ASIC2: variants seen among roughly 807,000 people sequenced by gnomAD.
The protein encoded by ASIC2 is acid sensing ion channel subunit 2.
In ASIC2, 25 loss-of-function variants were observed where a neutral mutation model predicts 57.3. That is an observed-to-expected ratio of 0.44 (90% CI 0.32 to 0.61). The LOEUF (loss-of-function observed/expected upper bound fraction) is 0.61, where lower values mean the gene tolerates loss of function less well. Among genes scored for constraint, ASIC2 ranks in the 20% least tolerant of loss-of-function variants. The probability of loss-of-function intolerance (pLI) is 0.06; values close to 1 mark genes in which losing one functional copy is unlikely to be tolerated. For synonymous variants in ASIC2, 319 were observed against 307.5 expected (o/e 1.04, Z -0.39); for missense variants, 641 against 738.1 (o/e 0.87, Z 1.52).
At chr17:34,042,480 C>A (rs889347155) in intron 1 of ASIC2, among the ~76,000 whole-genome samples, 9 of 151,558 alleles carry the variant, frequency 5.9e-5, no homozygotes, top group Non-Finnish European at 8.8e-5. Flanking sequence ...ATTCCATCCA[C>A]ATAATATTCT....
At chr17:33,348,752 G>C (rs2142246019) in intron 1 of ASIC2, among the ~76,000 whole-genome samples, 1 of 152,180 alleles carries the variant, frequency 6.6e-6, no homozygotes, top group East Asian at 1.9e-4. Flanking sequence ...GGAGAAGATG[G>C]GTTCAAGCTG....
At chr17:34,080,662 G>C (rs998996147) in intron 1 of ASIC2, among the ~76,000 whole-genome samples, 1 of 152,196 alleles carries the variant, frequency 6.6e-6, no homozygotes, top group South Asian at 2.1e-4. Context: ...GAGGCAGAAG[G>C]AGATTATGAG....
At chr17:33,505,753 C>T (rs1914229978) in intron 1 of ASIC2, among the ~76,000 whole-genome samples, 1 of 152,170 alleles carries the variant, frequency 6.6e-6, no homozygotes, top group Non-Finnish European at 1.5e-5. Context: ...GCCTACTAGC[C>T]CTGCACTTTC....
At chr17:33,144,983 A>C (rs1904496450) in intron 1 of ASIC2, among the ~76,000 whole-genome samples, 1 of 152,160 alleles carries the variant, frequency 6.6e-6, no homozygotes, top group South Asian at 2.1e-4. Context: ...GAGCTAGTAC[A>C]AGGCCTGGTG....
At chr17:33,921,196 A>T (rs1453237671) in intron 1 of ASIC2, among the ~76,000 whole-genome samples, 1 of 152,200 alleles carries the variant, frequency 6.6e-6, no homozygotes, top group Non-Finnish European at 1.5e-5. Flanking sequence ...GTTTGAGTCT[A>T]GACTCTTCAC....
intron 1 of ASIC2, chr17:33,980,651 C>T (rs569383975): frequency 1.3e-5 from 2 of 152,382 alleles, no homozygotes; most frequent in East Asian, 3.9e-4. Context: ...GGGATGCTGC[C>T]TGCAGAAAGT....
chr17:33,050,449 G>A (rs909583462), intron 3 of ASIC2, among the ~76,000 whole-genome samples: 1 of 152,104 alleles, frequency 6.6e-6, no homozygotes, highest in Non-Finnish European at 1.5e-5. Flanking sequence ...TTTATTGCAT[G>A]TATAGGGTCT....
intron 1 of ASIC2, among the ~76,000 whole-genome samples, chr17:33,905,655 G>A (rs989386183): frequency 6.6e-6 from 1 of 152,208 alleles, no homozygotes; most frequent in African/African-American, 2.4e-5. Flanking sequence ...CCTATTATCT[G>A]CAGTTGTAAA....
chr17:33,680,754 G>T (rs1347226023), intron 1 of ASIC2: 1 of 152,190 alleles, frequency 6.6e-6, no homozygotes, highest in Non-Finnish European at 1.5e-5. Context: ...AGCCAATGAG[G>T]CCTGAGCTCA....
At chr17:33,168,456 T>A (rs1180917633) in intron 1 of ASIC2, among the ~76,000 whole-genome samples, 1 of 151,996 alleles carries the variant, frequency 6.6e-6, no homozygotes, top group Non-Finnish European at 1.5e-5. Context: ...TTGGAACTCT[T>A]AGAAATTACT....
intron 1 of ASIC2, among the ~76,000 whole-genome samples, chr17:34,053,218 C>A (rs1283553828): frequency 6.6e-6 from 1 of 152,128 alleles, no homozygotes; most frequent in Non-Finnish European, 1.5e-5. Flanking sequence ...CTCAGGCTGG[C>A]GGCTCCATTG....
At chr17:33,566,679 G>A (rs1401907675) in intron 1 of ASIC2, among the ~76,000 whole-genome samples, 1 of 151,974 alleles carries the variant, frequency 6.6e-6, no homozygotes. Flanking sequence ...GCTCTTTCAG[G>A]TCCGGGCACA....
chr17:33,385,037 C>T (rs1287902913), intron 1 of ASIC2, among the ~76,000 whole-genome samples: 1 of 152,182 alleles, frequency 6.6e-6, no homozygotes, highest in Non-Finnish European at 1.5e-5. Context: ...TGGGCTTGAG[C>T]AAGACATTAA....
chr17:33,300,138 T>A (rs1206847359), intron 1 of ASIC2, among the ~76,000 whole-genome samples: 1 of 152,152 alleles, frequency 6.6e-6, no homozygotes, highest in Non-Finnish European at 1.5e-5. Context: ...AGCCACCCAG[T>A]TTTCCTCCCT....
intron 1 of ASIC2, among the ~76,000 whole-genome samples, chr17:33,410,346 G>A (rs572139097): frequency 1.1e-4 from 17 of 152,282 alleles, no homozygotes; most frequent in African/African-American, 3.9e-4. Flanking sequence ...TGAGTAAGGG[G>A]TACTAAGGGT....
At chr17:33,501,805 G>A (rs1168118846) in intron 1 of ASIC2, among the ~76,000 whole-genome samples, 1 of 152,158 alleles carries the variant, frequency 6.6e-6, no homozygotes, top group Non-Finnish European at 1.5e-5. Context: ...TAGTTCCTCA[G>A]TACCTAAACT....
chr17:33,760,288 A>T (rs1910741938), intron 1 of ASIC2, among the ~76,000 whole-genome samples: 1 of 152,074 alleles, frequency 6.6e-6, no homozygotes, highest in African/African-American at 2.4e-5. Context: ...TGGAATATAT[A>T]TATAGTATTT....
intron 1 of ASIC2, among the ~76,000 whole-genome samples, chr17:33,883,480 T>A (rs979968038): frequency 1.3e-5 from 2 of 152,164 alleles, no homozygotes; most frequent in African/African-American, 4.8e-5. Flanking sequence ...ACTCATCAGA[T>A]ACAGAAAGAC....
intron 6 of ASIC2, 75 bp from the exon 7 acceptor site, chr17:33,021,385 C>T: frequency 8.1e-7 from 1 of 1,231,550 alleles, no homozygotes; most frequent in Non-Finnish European, 1.1e-6. Flanking sequence ...TACAGCTTTC[C>T]CATGGAAAGA....
Sources: gnomAD v4.1 joint callset for allele counts (sites outside exome capture counted in the v4.1 genomes callset) on GRCh38, gnomAD v4.1.1 for gene constraint, MANE v1.5 for transcripts, NCBI Gene and HGNC (gene_info 2026-07-23, HGNC 2026-07-21) for gene names.